The following PCM1 variants were observed in gnomAD, a reference collection of about 807,000 sequenced individuals.
The protein encoded by PCM1 is pericentriolar material 1.
A neutral mutation model predicts 241.9 loss-of-function variants in PCM1; 157 were observed. The ratio of observed to expected loss-of-function variants is 0.65; its 90% CI spans 0.57 to 0.74. The LOEUF (loss-of-function observed/expected upper bound fraction) is 0.74. PCM1 is among the 30% of genes least tolerant of loss of function. The probability of loss-of-function intolerance (pLI) is 0.00; values close to 1 mark genes in which losing one functional copy is unlikely to be tolerated. For missense variants in PCM1, 3,478 were observed against 2,360.1 expected (o/e 1.47, Z -9.81); for synonymous variants, 1,085 against 784.9 (o/e 1.38, Z -6.39).
At chr8:17,924,969 T>C (rs1417860809) in intron 2 of PCM1, 189 bp downstream of exon 2, 1 of 152,258 alleles carries the variant, frequency 6.6e-6, no homozygotes, top group Non-Finnish European at 1.5e-5. Flanking sequence ...TATATCTTTG[T>C]TCGGAAAGGC....
chr8:18,014,289 T>C (rs1328759124), intron 35 of PCM1, among the ~76,000 whole-genome samples: 1 of 152,012 alleles, frequency 6.6e-6, no homozygotes, highest in Admixed American at 6.5e-5. Flanking sequence ...ATCGCATCTT[T>C]AGATACAAAT....
chr8:17,939,684 C>G lies in PCM1; in HGVS notation c.613-7C>G, dbSNP rs768962245. 3.4e-6 allele frequency: 5 copies of G among 1,482,954 alleles called. No individual in the cohort carries two copies. The highest frequency in any genetic ancestry group is 4.5e-6 in the Non-Finnish European group (5 of 1,107,252). 91.9% of individuals were successfully genotyped at this position (1,482,954 alleles called of 1,614,324 possible). On this transcript the variant is annotated splice_polypyrimidine_tract_variant and splice_region_variant and intron_variant, in intron 5 of 38. Coordinates refer to ENST00000325083, the MANE Select transcript of PCM1 (RefSeq NM_006197.4). The stretch of plus-strand genomic sequence containing the variant: ...TGCTTTTTTTAAAAAAAATATTTCC[C>G]CTGCAGATTGTAAGCAGGCTTGTTC...
intron 8 of PCM1, among the ~76,000 whole-genome samples, chr8:17,951,877 A>G (rs1460062871): frequency 6.6e-6 from 1 of 152,190 alleles, no homozygotes; most frequent in Admixed American, 6.6e-5. Context: ...GATATTCATT[A>G]TATGATTTCC....
In PCM1 at chr8:18,010,705, G is replaced by T. The variant is rs778043778; in HGVS notation, c.5220+37G>T. The stretch of plus-strand genomic sequence containing the variant: ...TTAATTTTTGCCTAAAAATATGGCT[G>T]GGCGCGGTGGCTCACCCCCGTAATC... On this transcript the variant is annotated intron_variant, in intron 32 of 38. Coordinates refer to ENST00000325083, the MANE Select transcript of PCM1 (RefSeq NM_006197.4). 3.4e-6 allele frequency: 5 copies of T among 1,469,236 alleles called. No individual in the cohort carries two copies. In the South Asian group the frequency reaches 6.1e-5, roughly 18 times the overall value. The allele number at this position is 1,469,236 out of a possible 1,614,324, so 91.0% of individuals were successfully genotyped here.
chr8:17,944,368 A>T (rs936789255), intron 6 of PCM1, among the ~76,000 whole-genome samples: 1 of 152,160 alleles, frequency 6.6e-6, no homozygotes, highest in East Asian at 1.9e-4. Flanking sequence ...TAGTTCCTCA[A>T]CCTTCACATG....
At chr8:17,999,571 C>T (rs1458827694) in intron 29 of PCM1, among the ~76,000 whole-genome samples, 1 of 151,968 alleles carries the variant, frequency 6.6e-6, no homozygotes, top group Admixed American at 6.5e-5. Context: ...TTGCTCTCGT[C>T]TCCTCAAGCA....
At position 17,928,624 on chromosome 8, in the gene PCM1, T is replaced by A. The variant is rs1241558052; in HGVS notation, c.-23+3844T>A. Among the ~76,000 whole-genome samples the A allele has an allele frequency of 3.2e-4, 44 of 136,714 alleles. 1 individual carries two copies. The highest frequency in any genetic ancestry group is 1.7e-3 in the Admixed American group (24 of 14,214). The allele number at this position is 136,714 out of a possible 152,430, so 89.7% of individuals were successfully genotyped here. On this transcript the variant is annotated intron_variant, in intron 2 of 38. Transcript: ENST00000325083. Reference sequence around the variant, plus strand: ...ATTTTTAGTATCTCCCTCTTTTTTTTTTTTTTTTTTTTTTTTTTTTAAAGT... The same window carrying A: ...ATTTTTAGTATCTCCCTCTTTTTTTATTTTTTTTTTTTTTTTTTTTAAAGT...
Position 17,963,243 on chromosome 8 carries a change from G to A in PCM1, c.2606G>A (p.Ser869Asn). The change falls in exon 17 of 39, where the codon AGT becomes AAT. Residue 869 changes from serine to asparagine, a missense_variant. Physicochemically the swap from Ser to Asn is conservative, Grantham distance 46. Coordinates refer to ENST00000325083, the MANE Select transcript of PCM1 (RefSeq NM_006197.4). ...TASPVAVSLR[S>N]DGSENLCTPQ... ...TCTCCAGTGGCTGTGTCATTGAGAA[G>A]TGATGGATCTGAGAACCTATGTACT... is the stretch of plus-strand genomic sequence containing the variant. 6.2e-7 allele frequency: 1 copy of A among 1,613,520 alleles called. No individual in the cohort carries two copies. Among genetic ancestry groups the A allele is most frequent in the Non-Finnish European group, 8.5e-7 (1 of 1,179,726 alleles).
At chr8:17,947,472 T>G (rs2064265475) in intron 7 of PCM1, 109 bp downstream of exon 7, 20 of 825,936 alleles carry the variant, frequency 2.4e-5, no homozygotes. Flanking sequence ...TTGTCTAGTT[T>G]AGAAACCTTC....
intron 23 of PCM1, among the ~76,000 whole-genome samples, chr8:17,974,905 T>C (rs1343446747): frequency 6.7e-6 from 1 of 148,562 alleles, no homozygotes; most frequent in Non-Finnish European, 1.5e-5. Context: ...ATAAAAGGCT[T>C]GATAGCAGAA....
At chr8:18,005,905 G>C (rs1042951206) in intron 29 of PCM1, 1 of 172,186 alleles carries the variant, frequency 5.8e-6, no homozygotes, top group Admixed American at 6.0e-5. Context: ...GCTTGTAAGA[G>C]TATTTGAAAT....
intron 28 of PCM1, 150 bp from the exon 29 acceptor site, chr8:17,993,333 T>A (rs748716442): frequency 2.3e-6 from 1 of 442,784 alleles, no homozygotes; most frequent in South Asian, 7.1e-5. Context: ...TTATTTTAAT[T>A]GATAGGGGTG....
chr8:17,953,869 A>G (rs1165707517), intron 9 of PCM1, among the ~76,000 whole-genome samples: 1 of 152,196 alleles, frequency 6.6e-6, no homozygotes, highest in African/African-American at 2.4e-5. Flanking sequence ...AATTGAAGTC[A>G]GTAGGGACAA....
rs141651894 is a variant in PCM1, at chr8:17,946,440, C to T, written c.784-746C>T. 9.1e-4 allele frequency among the ~76,000 whole-genome samples: 139 copies of T among 151,948 alleles called. 2 individuals are homozygous for T. The East Asian group carries it at 0.023, about 25-fold the overall frequency. On this transcript the variant is annotated intron_variant, in intron 6 of 38. Transcript: ENST00000325083. ...TCCTTTGTTAGAAATAGTAGGTGTG[C>T]CTACTTTCTAGGTTTTGTTGTTGTT...
chr8:17,926,977 C>A (rs422746), intron 2 of PCM1: 119,165 of 152,114 alleles, frequency 0.78, 47,252 homozygotes, highest in African/African-American at 0.86. Flanking sequence ...TTAGTTCATG[C>A]AAGCAGGGAA....
At chr8:17,968,730 ATGTGTGTGTGTGTG>A (rs551909289) in intron 21 of PCM1, among the ~76,000 whole-genome samples, 3 of 134,712 alleles carry the variant, frequency 2.2e-5, no homozygotes, top group South Asian at 4.7e-4. Flanking sequence ...GGATGTATAT[ATGTGTGTGTGTGTG>A]TGTGTGTGTG....
Position 18,002,067 on chromosome 8 carries a change from T to TC in PCM1, c.4828-4196_4828-4195insC, listed in dbSNP as rs1343792650. 2.9e-5 allele frequency among the ~76,000 whole-genome samples: 2 copies of TC among 68,870 alleles called. 1 individual carries two copies. The highest frequency in any genetic ancestry group is 2.1e-4 in the African/African-American group (2 of 9,580). 45.2% of individuals were successfully genotyped at this position (68,870 alleles called of 152,430 possible). A position where few individuals can be genotyped will look rare whatever the true frequency, so the allele number is the denominator to read the frequency against. ...AGATCTGTTAAATTTTTTTTTTCTTTTTTTTTTTTTCTTTTTTTTATTATA... is the reference window on the plus strand; with the variant it reads ...AGATCTGTTAAATTTTTTTTTTCTTTCTTTTTTTTTTCTTTTTTTTATTATA... On this transcript the variant is annotated intron_variant, in intron 29 of 38. Transcript: ENST00000325083.
In PCM1 at chr8:17,930,584, A is replaced by G. The variant is rs148020043; in HGVS notation, c.-22-5005A>G. ...GGGAGATACTTAGTATTTTTGGGAA[A>G]TGTTGTGAATGTGGCCGGGTGCGGT... On this transcript the variant is annotated intron_variant, in intron 2 of 38. Coordinates refer to ENST00000325083, the MANE Select transcript of PCM1 (RefSeq NM_006197.4). Among the ~76,000 whole-genome samples, 231 of 151,716 alleles carry G rather than the reference A, an allele frequency of 1.5e-3. 1 individual carries two copies. Among genetic ancestry groups the G allele is most frequent in the African/African-American group, 5.4e-3 (222 of 41,424 alleles).
At chr8:18,019,247 A>T (rs1036986000) in intron 36 of PCM1, among the ~76,000 whole-genome samples, 2 of 152,094 alleles carry the variant, frequency 1.3e-5, no homozygotes, top group African/African-American at 4.8e-5. Flanking sequence ...TATTCTGTCT[A>T]TATGTAGATA....
Sources: allele counts gnomAD v4.1 joint callset (sites outside exome capture counted in the v4.1 genomes callset), GRCh38; gene constraint gnomAD v4.1.1; transcripts MANE v1.5; gene names NCBI Gene and HGNC (gene_info 2026-07-23, HGNC 2026-07-21).